Variants in CDH13 observed in about 807,000 individuals in gnomAD.
CDH13 encodes cadherin-13.
In CDH13, 24 loss-of-function variants were observed where a neutral mutation model predicts 63.8. The observed-to-expected ratio is 0.38, with a 90% CI of 0.27 to 0.53. The LOEUF is 0.53. Ranked by LOEUF, CDH13 falls within the 20% of genes least tolerant of loss-of-function variation. The pLI, the probability that CDH13 is intolerant of heterozygous loss-of-function variation, is 0.85. For synonymous variants in CDH13, 503 were observed against 355.3 expected, an observed-to-expected ratio of 1.42 and a Z score of -4.67; for missense variants, 1,049 against 903.1, an observed-to-expected ratio of 1.16 and a Z score of -2.07.
At chr16:83,469,984 T>A (rs1434548486) in intron 6 of CDH13, among the ~76,000 whole-genome samples, 2 of 152,214 alleles carry the variant, frequency 1.3e-5, no homozygotes, top group African/African-American at 4.8e-5. Flanking sequence ...GCAGTTTTCA[T>A]AAATTTCTTT....
At position 83,496,260 on chromosome 16, in the gene CDH13, T is replaced by C. The variant is rs539533915; in HGVS notation, c.960+9605T>C. 1.3e-3 allele frequency among the ~76,000 whole-genome samples: 198 copies of C among 148,144 alleles called. 4 individuals carry two copies. The South Asian group carries it at 0.04, about 30-fold the overall frequency. On this transcript the variant is annotated intron_variant, in intron 7 of 13. Transcript: ENST00000567109. ...CATCACACTACCTGACTTCAAACTA[T>C]ACTACAAGGCTACAGTAACCAAAAC...
intron 7 of CDH13, among the ~76,000 whole-genome samples, chr16:83,536,009 C>T (rs2075179716): frequency 2.0e-5 from 3 of 152,160 alleles, no homozygotes; most frequent in East Asian, 1.9e-4. Context: ...GAAACAACCA[C>T]CCTGGCTTTG....
intron 10 of CDH13, among the ~76,000 whole-genome samples, chr16:83,697,258 C>T (rs997730866): frequency 6.6e-6 from 1 of 152,166 alleles, no homozygotes; most frequent in Admixed American, 6.5e-5. Flanking sequence ...TCAAACAAGG[C>T]CTTCTTTTGC....
intron 2 of CDH13, among the ~76,000 whole-genome samples, chr16:82,860,388 T>TGTG (rs1465425642): frequency 4.8e-5 from 3 of 63,076 alleles, no homozygotes; most frequent in Non-Finnish European, 9.0e-5. Context: ...TGTGTGTGTG[T>TGTG]GGGGGGGGGG....
intron 11 of CDH13, among the ~76,000 whole-genome samples, chr16:83,778,539 G>T (rs1915280044): frequency 6.8e-6 from 1 of 147,672 alleles, no homozygotes; most frequent in African/African-American, 2.5e-5. Flanking sequence ...AAAAAAAAAA[G>T]AAAGAAAGAC....
At chr16:83,528,728 A>C (rs1414408553) in intron 7 of CDH13, among the ~76,000 whole-genome samples, 1 of 152,174 alleles carries the variant, frequency 6.6e-6, no homozygotes, top group East Asian at 1.9e-4. Flanking sequence ...AACACTAAGC[A>C]CTGAAAAAGA....
intron 7 of CDH13, among the ~76,000 whole-genome samples, chr16:83,533,881 G>A (rs910605777): frequency 6.6e-5 from 10 of 151,976 alleles, no homozygotes; most frequent in South Asian, 2.1e-4. Context: ...TCAGCCTCCC[G>A]AGCTGCTGGG....
At chr16:82,922,980 T>G (rs1013753567) in intron 2 of CDH13, among the ~76,000 whole-genome samples, 8 of 152,160 alleles carry the variant, frequency 5.3e-5, no homozygotes, top group African/African-American at 1.9e-4. Flanking sequence ...ATGAGTCATA[T>G]TTATACTGTA....
chr16:83,720,532 T>C (rs1687374011), intron 10 of CDH13, among the ~76,000 whole-genome samples: 1 of 151,854 alleles, frequency 6.6e-6, no homozygotes, highest in Non-Finnish European at 1.5e-5. Context: ...TCCTTGAGCG[T>C]AGGAGTTCGA....
At chr16:83,669,816 C>T (rs1001835620) in intron 8 of CDH13, among the ~76,000 whole-genome samples, 1 of 152,142 alleles carries the variant, frequency 6.6e-6, no homozygotes, top group Non-Finnish European at 1.5e-5. Context: ...ATTGAAATTC[C>T]AAGATATTTC....
chr16:82,729,351 G>A (rs989460306), intron 1 of CDH13, among the ~76,000 whole-genome samples: 1 of 152,290 alleles, frequency 6.6e-6, no homozygotes, highest in East Asian at 1.9e-4. Context: ...AGACTTGAAA[G>A]TTGAAGTCAC....
chr16:83,617,033 C>G (rs1909342347), intron 8 of CDH13, among the ~76,000 whole-genome samples: 1 of 152,186 alleles, frequency 6.6e-6, no homozygotes, highest in Non-Finnish European at 1.5e-5. Context: ...TTGTTACTTC[C>G]TCTTCCTTGT....
chr16:83,062,731 A>G (rs2031670451), intron 3 of CDH13, among the ~76,000 whole-genome samples: 2 of 152,190 alleles, frequency 1.3e-5, no homozygotes, highest in Admixed American at 6.5e-5. Context: ...TGAAATAATC[A>G]TTCTATGTGG....
chr16:82,781,118 C>G lies in CDH13; in HGVS notation c.46-77244C>G, dbSNP rs118029407. Among the ~76,000 whole-genome samples the G allele has an allele frequency of 4.3e-4, 66 of 152,284 alleles. No individual in the cohort carries two copies. The East Asian group carries it at 9.8e-3, about 23-fold the overall frequency. ...CTTCTGAAGTTTGCCTCTAGGTTCA[C>G]TTGAGGTATCATTTCTGAAGAATAA... is the stretch of plus-strand genomic sequence containing the variant. On this transcript the variant is annotated intron_variant, in intron 1 of 13. Coordinates refer to ENST00000567109, the MANE Select transcript of CDH13 (RefSeq NM_001257.5).
intron 1 of CDH13, among the ~76,000 whole-genome samples, chr16:82,805,582 A>C (rs1480126660): frequency 1.3e-5 from 2 of 152,186 alleles, no homozygotes; most frequent in African/African-American, 4.8e-5. Flanking sequence ...AGAGATGCCC[A>C]AATATAAGTA....
intron 7 of CDH13, among the ~76,000 whole-genome samples, chr16:83,566,108 C>T (rs1265815577): frequency 1.3e-5 from 2 of 152,156 alleles, no homozygotes; most frequent in Admixed American, 6.5e-5. Flanking sequence ...TGCTCAGATG[C>T]CCTGAATGGT....
chr16:83,439,158 A>G (rs1005543818), intron 6 of CDH13, among the ~76,000 whole-genome samples: 2 of 152,360 alleles, frequency 1.3e-5, no homozygotes, highest in East Asian at 1.9e-4. Context: ...AATCAGAGTA[A>G]TAATAGTAAT....
intron 1 of CDH13, among the ~76,000 whole-genome samples, chr16:82,706,732 A>G (rs1258680567): frequency 2.6e-5 from 4 of 151,918 alleles, no homozygotes; most frequent in Non-Finnish European, 5.9e-5. Context: ...TGAACCCAGG[A>G]GACGGAGGTT....
At chr16:82,901,323 C>CCT (rs200918147) in intron 2 of CDH13, among the ~76,000 whole-genome samples, 3,857 of 101,824 alleles carry the variant, frequency 0.038, 172 homozygotes, top group African/African-American at 0.13. Context: ...ATAGTATTCT[C>CCT]CTGTGTGTGT....
Sources: gnomAD v4.1 joint callset for allele counts (sites outside exome capture counted in the v4.1 genomes callset) on GRCh38, gnomAD v4.1.1 for gene constraint, MANE v1.5 for transcripts, NCBI Gene and HGNC (gene_info 2026-07-23, HGNC 2026-07-21) for gene names.